WWOX: variants seen among roughly 807,000 people sequenced by gnomAD.
The protein encoded by WWOX is WW domain-containing oxidoreductase.
A neutral mutation model predicts 46.2 loss-of-function variants in WWOX; 69 were observed. The ratio of observed to expected loss-of-function variants is 1.49; its 90% CI spans 1.23 to 1.82. The LOEUF (loss-of-function observed/expected upper bound fraction) is 1.82, where lower values mean the gene tolerates loss of function less well. WWOX is among the 40% of genes most tolerant of loss of function. The pLI, the probability that WWOX is intolerant of heterozygous loss-of-function variation, is 0.00. For missense variants in WWOX, 919 were observed against 542.6 expected, an observed-to-expected ratio of 1.69 and a Z score of -6.89; for synonymous variants, 359 against 202.6, an observed-to-expected ratio of 1.77 and a Z score of -6.56.
At chr16:78,894,044 A>ATTATTATTATTATTC (rs1286131605) in intron 8 of WWOX, among the ~76,000 whole-genome samples, 2 of 147,392 alleles carry the variant, frequency 1.4e-5, no homozygotes, top group Non-Finnish European at 3.0e-5. Flanking sequence ...TATTATTATT[A>ATTATTATTATTATTC]TTATTATATT....
At chr16:78,799,901 A>C (rs138796111) in intron 8 of WWOX, among the ~76,000 whole-genome samples, 1 of 152,170 alleles carries the variant, frequency 6.6e-6, no homozygotes. Context: ...TTCTATGTGA[A>C]TGACTACTTT....
At chr16:78,935,337 A>G (rs900026072) in intron 8 of WWOX, among the ~76,000 whole-genome samples, 2 of 152,204 alleles carry the variant, frequency 1.3e-5, no homozygotes, top group Admixed American at 6.5e-5. Context: ...CACAATAGCA[A>G]AGACTTGGAA....
chr16:78,218,652 G>C (rs752772104), intron 5 of WWOX, among the ~76,000 whole-genome samples: 8 of 152,212 alleles, frequency 5.3e-5, no homozygotes, highest in Non-Finnish European at 7.3e-5. Flanking sequence ...GTGTTCTCTA[G>C]ATTTATGATG....
chr16:79,201,406 T>C (rs2051349319), intron 8 of WWOX, among the ~76,000 whole-genome samples: 1 of 151,992 alleles, frequency 6.6e-6, no homozygotes. Context: ...CTTCATTTGC[T>C]TTGCAAGAGA....
chr16:78,912,542 C>A (rs2045139232), intron 8 of WWOX, among the ~76,000 whole-genome samples: 1 of 152,004 alleles, frequency 6.6e-6, no homozygotes, highest in South Asian at 2.1e-4. Context: ...TCCCTGAGTG[C>A]CTTGTTGGAG....
At chr16:78,593,503 A>G (rs1459359894) in intron 8 of WWOX, among the ~76,000 whole-genome samples, 3 of 152,176 alleles carry the variant, frequency 2.0e-5, no homozygotes, top group Non-Finnish European at 4.4e-5. Flanking sequence ...TGGGCACATG[A>G]CCCAGGTCAG....
chr16:78,895,748 T>G (rs1358145238), intron 8 of WWOX: 2 of 152,238 alleles, frequency 1.3e-5, no homozygotes, highest in African/African-American at 2.4e-5. Context: ...GACTTAAATG[T>G]AATATGGCTC....
chr16:79,035,875 G>A (rs529954456), intron 8 of WWOX, among the ~76,000 whole-genome samples: 3 of 152,346 alleles, frequency 2.0e-5, no homozygotes, highest in Non-Finnish European at 2.9e-5. Flanking sequence ...GATTACAGGC[G>A]TGAGCCACTA....
chr16:78,906,167 T>C (rs114182469), intron 8 of WWOX, among the ~76,000 whole-genome samples: 1 of 152,222 alleles, frequency 6.6e-6, no homozygotes, highest in African/African-American at 2.4e-5. Context: ...ACCTCAGCCA[T>C]CTAGGGACAT....
At chr16:78,946,840 C>G (rs143260435) in intron 8 of WWOX, among the ~76,000 whole-genome samples, 2 of 152,044 alleles carry the variant, frequency 1.3e-5, no homozygotes, top group Non-Finnish European at 2.9e-5. Context: ...GACAAGAGGG[C>G]GTCACGGTGT....
chr16:78,917,454 G>A (rs916841647), intron 8 of WWOX, among the ~76,000 whole-genome samples: 9 of 151,642 alleles, frequency 5.9e-5, no homozygotes, highest in Admixed American at 1.3e-4. Flanking sequence ...ATCTAGTCTC[G>A]GTAGCTACCT....
At chr16:78,533,327 T>C (rs1441028443) in intron 8 of WWOX, among the ~76,000 whole-genome samples, 1 of 151,844 alleles carries the variant, frequency 6.6e-6, no homozygotes, top group East Asian at 1.9e-4. Flanking sequence ...AACATAGGGG[T>C]GTCCAAACTT....
chr16:79,010,852 T>A (rs2047289605), intron 8 of WWOX, among the ~76,000 whole-genome samples: 1 of 151,406 alleles, frequency 6.6e-6, no homozygotes, highest in Non-Finnish European at 1.5e-5. Context: ...GTGGCCTGTG[T>A]GGTGAGGAGT....
chr16:78,986,098 G>A (rs541951346), intron 8 of WWOX, among the ~76,000 whole-genome samples: 6 of 152,292 alleles, frequency 3.9e-5, no homozygotes, highest in South Asian at 2.1e-4. Context: ...AAGATGAACC[G>A]GGGCTCCGGG....
intron 8 of WWOX, among the ~76,000 whole-genome samples, chr16:78,946,521 T>A (rs67051757): frequency 0.14 from 21,418 of 151,964 alleles, 1,573 homozygotes; most frequent in African/African-American, 0.16. Flanking sequence ...AGTCAAGAAG[T>A]TTCTAGATGC....
chr16:78,773,336 G>A (rs1024306567), intron 8 of WWOX, among the ~76,000 whole-genome samples: 18 of 152,152 alleles, frequency 1.2e-4, no homozygotes, highest in Non-Finnish European at 2.4e-4. Context: ...CTATCCCTAA[G>A]GTTTCAGGAA....
chr16:78,250,242 C>T (rs557574971), intron 5 of WWOX, among the ~76,000 whole-genome samples: 45 of 152,324 alleles, frequency 3.0e-4, no homozygotes, highest in African/African-American at 1.0e-3. Context: ...GGCACATTAG[C>T]GAGAGCTCCG....
intron 8 of WWOX, among the ~76,000 whole-genome samples, chr16:78,800,483 C>T (rs62038637): frequency 8.1e-4 from 123 of 152,178 alleles, no homozygotes; most frequent in Non-Finnish European, 1.3e-3. Flanking sequence ...CACACTTCTT[C>T]TTTCTCCTAC....
intron 8 of WWOX, among the ~76,000 whole-genome samples, chr16:78,906,569 A>G (rs1484385887): frequency 2.0e-5 from 3 of 152,162 alleles, no homozygotes; most frequent in Admixed American, 6.5e-5. Flanking sequence ...GCATAAATAT[A>G]CATCTTTCAG....
Sources: allele counts gnomAD v4.1 joint callset (sites outside exome capture counted in the v4.1 genomes callset), GRCh38; gene constraint gnomAD v4.1.1; transcripts MANE v1.5; gene names NCBI Gene and HGNC (gene_info 2026-07-23, HGNC 2026-07-21).